The following GALNTL6 variants were observed in gnomAD, a reference collection of about 807,000 sequenced individuals.
GALNTL6 encodes polypeptide N-acetylgalactosaminyltransferase-like 6.
Under a neutral mutation model 73.7 loss-of-function variants are expected in GALNTL6, and 46 were observed. That is an observed-to-expected ratio of 0.62 (90% confidence interval 0.49 to 0.80). The LOEUF is 0.80. Among genes scored for constraint, GALNTL6 ranks in the 30% least tolerant of loss-of-function variants. The pLI is 0.00. For missense variants in GALNTL6, 604 were observed against 755.0 expected (o/e 0.80, Z 2.34); for synonymous variants, 259 against 263.7 (o/e 0.98, Z 0.17).
At chr4:172,566,639 A>T (rs959191737) in intron 5 of GALNTL6, among the ~76,000 whole-genome samples, 1 of 152,086 alleles carries the variant, frequency 6.6e-6, no homozygotes, top group Non-Finnish European at 1.5e-5. Context: ...AAAAGAAAAA[A>T]ACTACATCCA....
At chr4:173,001,207 A>T (rs1177056843) in intron 10 of GALNTL6, among the ~76,000 whole-genome samples, 1 of 152,174 alleles carries the variant, frequency 6.6e-6, no homozygotes, top group African/African-American at 2.4e-5. Context: ...CAACCTGCAA[A>T]CACCTTGATC....
In GALNTL6 at chr4:172,952,363, C is replaced by T; in HGVS notation, c.1371+105C>T. On this transcript the variant is annotated intron_variant, in intron 10 of 12. Transcript: ENST00000506823. The stretch of plus-strand genomic sequence containing the variant: ...TGCTAAAACCTTCACTTTTACCCTG[C>T]AGCCAAGTAGCATTCATTTAAATCA... The T allele has an allele frequency of 4.3e-6, 3 of 701,046 alleles. No individual in the cohort carries two copies. In the South Asian group the frequency reaches 5.6e-5, roughly 13 times the overall value. The allele number at this position is 701,046 out of a possible 1,614,324, so 43.4% of individuals were successfully genotyped here.
intron 5 of GALNTL6, among the ~76,000 whole-genome samples, chr4:172,525,831 C>T (rs1279701211): frequency 6.6e-6 from 1 of 152,046 alleles, no homozygotes; most frequent in Non-Finnish European, 1.5e-5. Flanking sequence ...CCTCTGCACT[C>T]CAGCCTGGGT....
chr4:172,044,597 T>C (rs1742169716), intron 2 of GALNTL6, among the ~76,000 whole-genome samples: 1 of 152,000 alleles, frequency 6.6e-6, no homozygotes, highest in African/African-American at 2.4e-5. Context: ...ATTCAACAAA[T>C]TGTATTCTAA....
intron 5 of GALNTL6, among the ~76,000 whole-genome samples, chr4:172,681,899 C>G (rs1732650977): frequency 6.6e-6 from 1 of 152,158 alleles, no homozygotes; most frequent in Non-Finnish European, 1.5e-5. Flanking sequence ...TAACTCTAGA[C>G]CAGGCAATTC....
intron 5 of GALNTL6, among the ~76,000 whole-genome samples, chr4:172,586,250 C>G (rs1737403715): frequency 1.3e-5 from 2 of 152,090 alleles, no homozygotes; most frequent in Admixed American, 1.3e-4. Context: ...ATTTTCTTAC[C>G]TATAAAGGAA....
intron 5 of GALNTL6, among the ~76,000 whole-genome samples, chr4:172,375,860 T>C (rs1394835725): frequency 3.9e-5 from 6 of 152,180 alleles, no homozygotes; most frequent in Non-Finnish European, 8.8e-5. Context: ...CCTGTTAGTA[T>C]TGGGACTTTA....
intron 2 of GALNTL6, among the ~76,000 whole-genome samples, chr4:171,977,935 G>C (rs1238275156): frequency 1.3e-5 from 2 of 151,910 alleles, no homozygotes; most frequent in Admixed American, 1.3e-4. Flanking sequence ...GTAATATTAG[G>C]TTGCCGTAAA....
chr4:173,023,379 C>T (rs982938248), intron 12 of GALNTL6, among the ~76,000 whole-genome samples: 3 of 151,918 alleles, frequency 2.0e-5, no homozygotes, highest in Admixed American at 6.6e-5. Flanking sequence ...TCAGTTGAGC[C>T]GAGCACAGTA....
intron 2 of GALNTL6, among the ~76,000 whole-genome samples, chr4:172,144,543 G>C (rs1440397578): frequency 2.0e-5 from 3 of 152,182 alleles, no homozygotes; most frequent in Admixed American, 6.5e-5. Flanking sequence ...TTTTATATGA[G>C]AGGGAGCTAG....
chr4:172,131,535 T>C (rs896671287), intron 2 of GALNTL6, among the ~76,000 whole-genome samples: 13 of 149,600 alleles, frequency 8.7e-5, no homozygotes, highest in East Asian at 3.9e-4. Context: ...CACACACACA[T>C]ATGTGTTTGT....
intron 5 of GALNTL6, chr4:172,667,821 G>A (rs890807666): frequency 2.0e-5 from 3 of 152,228 alleles, no homozygotes; most frequent in African/African-American, 7.2e-5. Context: ...AGTGCCTGCA[G>A]TACATCCTTA....
intron 10 of GALNTL6, among the ~76,000 whole-genome samples, chr4:172,974,372 AG>A (rs1750717543): frequency 6.6e-6 from 1 of 152,146 alleles, no homozygotes; most frequent in African/African-American, 2.4e-5. Flanking sequence ...ACTGATTATT[AG>A]TTACCTAGAG....
At chr4:172,520,381 T>C (rs1345197311) in intron 5 of GALNTL6, among the ~76,000 whole-genome samples, 1 of 152,044 alleles carries the variant, frequency 6.6e-6, no homozygotes, top group African/African-American at 2.4e-5. Context: ...AGACAACTGT[T>C]AATGGAAATT....
intron 2 of GALNTL6, among the ~76,000 whole-genome samples, chr4:172,206,985 T>G (rs940310106): frequency 6.6e-6 from 1 of 150,930 alleles, no homozygotes; most frequent in Non-Finnish European, 1.5e-5. Flanking sequence ...GCCCGGCTAG[T>G]TTTTTGTATT....
chr4:172,940,187 CTTTT>C (rs34843916), intron 9 of GALNTL6, among the ~76,000 whole-genome samples: 3 of 128,828 alleles, frequency 2.3e-5, no homozygotes, highest in African/African-American at 2.8e-5. Context: ...CCTCGCAAAA[CTTTT>C]TTTTTTTTTT....
At chr4:172,426,336 C>T (rs1235505678) in intron 5 of GALNTL6, among the ~76,000 whole-genome samples, 2 of 50,624 alleles carry the variant, frequency 4.0e-5, no homozygotes, top group Non-Finnish European at 1.3e-4. Flanking sequence ...AATCTGTAGT[C>T]CATAGCAGAG....
chr4:172,038,293 A>C (rs1448000589), intron 2 of GALNTL6, among the ~76,000 whole-genome samples: 1 of 151,658 alleles, frequency 6.6e-6, no homozygotes, highest in Non-Finnish European at 1.5e-5. Flanking sequence ...TTTTAATATA[A>C]TCCTAAACAT....
At chr4:172,454,566 A>G (rs949578657) in intron 5 of GALNTL6, among the ~76,000 whole-genome samples, 1 of 152,200 alleles carries the variant, frequency 6.6e-6, no homozygotes, top group Non-Finnish European at 1.5e-5. Context: ...CTTGCAGCCC[A>G]CTGGGCAGAA....
Sources: allele counts gnomAD v4.1 joint callset (sites outside exome capture counted in the v4.1 genomes callset), GRCh38; gene constraint gnomAD v4.1.1; transcripts MANE v1.5; gene names NCBI Gene and HGNC (gene_info 2026-07-23, HGNC 2026-07-21).